Variants in SLF2 observed in about 807,000 individuals in gnomAD.
SLF2 encodes the protein SMC5-SMC6 complex localization factor protein 2.
In SLF2, 68 loss-of-function variants were observed where a neutral mutation model predicts 124.3. The observed-to-expected ratio is 0.55, with a 90% CI of 0.45 to 0.67. The LOEUF (loss-of-function observed/expected upper bound fraction) is 0.67, where lower values mean the gene tolerates loss of function less well. SLF2 is among the 30% of genes least tolerant of loss of function. The pLI, the probability that SLF2 is intolerant of heterozygous loss-of-function variation, is 0.00. For missense variants in SLF2, 1,246 were observed against 1,373.7 expected, an observed-to-expected ratio of 0.91 and a Z score of 1.47; for synonymous variants, 480 against 478.8, an observed-to-expected ratio of 1.00 and a Z score of -0.03.
At chr10:100,960,104 T>A (rs2133836725) in intron 19 of SLF2, among the ~76,000 whole-genome samples, 1 of 152,366 alleles carries the variant, frequency 6.6e-6, no homozygotes, top group Non-Finnish European at 1.5e-5. Context: ...GAATCCATGT[T>A]ATAGCATGTA....
intron 9 of SLF2, among the ~76,000 whole-genome samples, chr10:100,933,547 A>C (rs966257378): frequency 6.6e-6 from 1 of 152,148 alleles, no homozygotes; most frequent in Non-Finnish European, 1.5e-5. Flanking sequence ...TGATTTTATC[A>C]TGAGTGTCTA....
In SLF2 at chr10:100,947,838, T is replaced by C; in HGVS notation, c.3111T>C (p.Ser1037=). The change falls in exon 15 of 20, where the codon AGT becomes AGC. Residue 1037 remains serine, a synonymous_variant. Coordinates refer to ENST00000238961, the MANE Select transcript of SLF2 (RefSeq NM_018121.4). The stretch of plus-strand genomic sequence containing the variant: ...AACACGAAGATGTTCCTAATGCCAG[T>C]AATCTGCAGGTATAAATAAATACAT... ...DEKHEDVPNA[S]NLQVSVLHRY... The C allele has an allele frequency of 6.2e-7, 1 of 1,608,230 alleles. No individual in the cohort carries two copies. The highest frequency in any genetic ancestry group is 8.5e-7 in the Non-Finnish European group (1 of 1,175,804).
rs537223341 is a variant in SLF2 at position 100,940,820 on chromosome 10, C to CTCCTTCCTTCCT, written c.2654+2104_2654+2115dup. Among the ~76,000 whole-genome samples, 870 of 101,156 alleles carry CTCCTTCCTTCCT rather than the reference C, an allele frequency of 8.6e-3. 8 individuals are homozygous for CTCCTTCCTTCCT. The highest frequency in any genetic ancestry group is 0.078 in the Middle Eastern group (15 of 192). The allele number at this position is 101,156 out of a possible 152,430, so 66.4% of individuals were successfully genotyped here. A position where few individuals can be genotyped will look rare whatever the true frequency, so the allele number is the denominator to read the frequency against. Reference sequence around the variant, plus strand: ...GCCCCTCCCCCTGCCCCTGCCCCTTCTCCTTCCTTCCTTCCTTCCTTCCTT... The same window carrying CTCCTTCCTTCCT: ...GCCCCTCCCCCTGCCCCTGCCCCTTCTCCTTCCTTCCTTCCTTCCTTCCTTCCTTCCTTCCTT... On this transcript the variant is annotated intron_variant, in intron 11 of 19. Coordinates refer to ENST00000238961, the MANE Select transcript of SLF2 (RefSeq NM_018121.4).
chr10:100,916,792 T>A lies in SLF2; in HGVS notation c.407T>A (p.Leu136Gln). The change falls in exon 3 of 20, where the codon CTG (leucine) becomes CAG (glutamine). Residue 136 changes from leucine to glutamine, a missense_variant. Physicochemically the swap from Leu to Gln is moderately radical, Grantham distance 113 (BLOSUM62 -2). Coordinates refer to ENST00000238961, the MANE Select transcript of SLF2 (RefSeq NM_018121.4). The stretch of plus-strand genomic sequence containing the variant: ...ATACATGAGTCACGTCGGCCTTGTC[T>A]GTCACTAGCCTCCAAATATTTAGCC... ...HGIHESRRPC[L>Q]SLASKYLAKG... is the part of the protein sequence containing the mutation. 1 of 1,613,810 alleles carries A rather than the reference T, an allele frequency of 6.2e-7. No individual in the cohort carries two copies. Among genetic ancestry groups the A allele is most frequent in the Non-Finnish European group, 8.5e-7 (1 of 1,179,908 alleles).
At chr10:100,932,723 G>A (rs968502688) in intron 9 of SLF2, among the ~76,000 whole-genome samples, 7 of 22,636 alleles carry the variant, frequency 3.1e-4, no homozygotes, top group African/African-American at 4.9e-4. Context: ...GTGTGTGTGC[G>A]CGCGCGCGCG....
At chr10:100,913,888 G>A in intron 1 of SLF2, 1 of 984,544 alleles carries the variant, frequency 1.0e-6, no homozygotes, top group Non-Finnish European at 1.2e-6. Context: ...AATTCCCTAC[G>A]AACTTGGTAC....
In SLF2 at chr10:100,956,639, A is replaced by G. The variant is rs564507372; in HGVS notation, c.3417+102A>G. 161 of 838,906 alleles carry G rather than the reference A, an allele frequency of 1.9e-4. 2 individuals carry two copies. The East Asian group carries it at 3.6e-3, about 19-fold the overall frequency. The allele number at this position is 838,906 out of a possible 1,614,324, so 52.0% of individuals were successfully genotyped here. A position where few individuals can be genotyped will look rare whatever the true frequency, so the allele number is the denominator to read the frequency against. Reference sequence around the variant, plus strand: ...AGGCCTATATTCAGAAAAAGAACATATAAGGCTAGGCATGGTGGCTCATGC... The same window carrying G: ...AGGCCTATATTCAGAAAAAGAACATGTAAGGCTAGGCATGGTGGCTCATGC... On this transcript the variant is annotated intron_variant, in intron 18 of 19. Transcript: ENST00000238961.
At chr10:100,953,739 G>A (rs926328133) in intron 17 of SLF2, among the ~76,000 whole-genome samples, 5 of 151,888 alleles carry the variant, frequency 3.3e-5, no homozygotes, top group Non-Finnish European at 7.4e-5. Context: ...TGCAACCTCC[G>A]TCTCTTGGGT....
At chr10:100,916,450 T>C (rs1488258620) in intron 2 of SLF2, 120 bp from the exon 3 acceptor site, 5 of 818,466 alleles carry the variant, frequency 6.1e-6, no homozygotes, top group African/African-American at 1.8e-5. Context: ...AGTTGTTGGT[T>C]TGAAAATTTT....
At chr10:100,927,835 T>G (rs1849642169) in intron 6 of SLF2, among the ~76,000 whole-genome samples, 1 of 152,186 alleles carries the variant, frequency 6.6e-6, no homozygotes, top group African/African-American at 2.4e-5. Flanking sequence ...TTGCCTTCCC[T>G]AATGACTAAT....
chr10:100,913,216 G>A lies in SLF2; in HGVS notation c.106G>A (p.Ala36Thr). 1 of 1,611,340 alleles carries A rather than the reference G, an allele frequency of 6.2e-7. No homozygotes were observed. Among genetic ancestry groups the A allele is most frequent in the South Asian group, 1.1e-5 (1 of 90,502 alleles). Residue 36 changes from alanine (A) to threonine (T), a missense_variant, in exon 1 of 20, where the codon GCA becomes ACA. Transcript: ENST00000238961. The part of the protein sequence containing the change: ...HLRPGSTAHA[A>T]AGKRTESPGD... ...GAGACCCGGTAGTACCGCCCATGCT[G>A]CAGCGGGAAAGAGAACAGAGAGTCC...
intron 15 of SLF2, among the ~76,000 whole-genome samples, chr10:100,949,190 C>T (rs1850163825): frequency 6.6e-6 from 1 of 152,152 alleles, no homozygotes; most frequent in African/African-American, 2.4e-5. Context: ...GGGGATCATG[C>T]TGGAGCTACC....
rs560782994 is a variant in SLF2, at chr10:100,947,745, A to C, written c.3033-15A>C. 1 of 1,573,726 alleles carries C rather than the reference A, an allele frequency of 6.4e-7. No individual in the cohort carries two copies. The highest frequency in any genetic ancestry group is 1.1e-5 in the South Asian group (1 of 89,198). On this transcript the variant is annotated splice_polypyrimidine_tract_variant and intron_variant, in intron 14 of 19. Transcript: ENST00000238961. ...ATTAAAATACATTCTAAATACTTTT[A>C]ACTTCTAATTCTAGGCAACTGAGAC...
intron 4 of SLF2, among the ~76,000 whole-genome samples, chr10:100,921,435 A>G (rs1327049477): frequency 6.6e-6 from 1 of 152,182 alleles, no homozygotes; most frequent in Non-Finnish European, 1.5e-5. Flanking sequence ...TATTTTATGT[A>G]TTAGTATATT....
Position 100,929,446 on chromosome 10 carries a change from C to A in SLF2, c.2165+7C>A. 1 of 1,575,832 alleles carries A rather than the reference C, an allele frequency of 6.3e-7. No homozygotes were observed. The highest frequency in any genetic ancestry group is 8.6e-7 in the Non-Finnish European group (1 of 1,166,024). On this transcript the variant is annotated splice_region_variant and intron_variant, in intron 7 of 19. Coordinates refer to ENST00000238961, the MANE Select transcript of SLF2 (RefSeq NM_018121.4). ...GCCTCTTAGAAGAGCACAAGTATAG[C>A]ATTTTTCATAATGTATTTTACCTTA...
chr10:100,932,692 A>AGTGTGTGT (rs111530755), intron 9 of SLF2, among the ~76,000 whole-genome samples: 40 of 133,624 alleles, frequency 3.0e-4, no homozygotes, highest in Non-Finnish European at 3.8e-4. Context: ...ACAAACAATA[A>AGTGTGTGT]GTGTGTGTGT....
intron 19 of SLF2, 132 bp downstream of exon 19, chr10:100,959,628 AGT>A: frequency 7.3e-7 from 1 of 1,362,250 alleles, no homozygotes; most frequent in Non-Finnish European, 9.5e-7. Context: ...TGAAAACGCC[AGT>A]ATAATACATG....
Position 100,945,103 on chromosome 10 carries a change from A to T in SLF2, c.2758-227A>T, listed in dbSNP as rs11190763. Among the ~76,000 whole-genome samples, 1,090 of 152,320 alleles carry T rather than the reference A, an allele frequency of 7.2e-3. 23 individuals carry two copies. The highest frequency in any genetic ancestry group is 0.025 in the African/African-American group (1,050 of 41,582). On this transcript the variant is annotated intron_variant, in intron 12 of 19. Coordinates refer to ENST00000238961, the MANE Select transcript of SLF2 (RefSeq NM_018121.4). ...TTTTAGTTGCTGAATTGAATCAGTG[A>T]TACAGAACCATTAAGAAAATCTCAA...
chr10:100,926,585 G>T, intron 6 of SLF2: 1 of 172,904 alleles, frequency 5.8e-6, no homozygotes, highest in Non-Finnish European at 1.2e-5. Flanking sequence ...CAATCTGGGT[G>T]ACAGAATAAG....
Sources: allele counts gnomAD v4.1 joint callset (sites outside exome capture counted in the v4.1 genomes callset), GRCh38; gene constraint gnomAD v4.1.1; transcripts MANE v1.5; gene names NCBI Gene and HGNC (gene_info 2026-07-23, HGNC 2026-07-21).